UBE2Z: variants seen among roughly 807,000 people sequenced by gnomAD.
UBE2Z encodes ubiquitin conjugating enzyme E2 Z.
In UBE2Z, 10 loss-of-function variants were observed where a neutral mutation model predicts 32.6. The observed-to-expected ratio is 0.31, with a 90% confidence interval of 0.19 to 0.52. UBE2Z has a LOEUF of 0.52. UBE2Z is among the 20% of genes least tolerant of loss of function. UBE2Z has a pLI of 0.97. For synonymous variants in UBE2Z, 183 were observed against 190.8 expected (o/e 0.96, Z 0.34); for missense variants, 343 against 480.9 (o/e 0.71, Z 2.68).
At chr17:48,914,385 TC>T (rs2040704186) in intron 3 of UBE2Z, among the ~76,000 whole-genome samples, 1 of 152,218 alleles carries the variant, frequency 6.6e-6, no homozygotes, top group African/African-American at 2.4e-5. Flanking sequence ...GATTCATTTT[TC>T]TAGGACTTGC....
chr17:48,915,083 T>C (rs995461034), intron 3 of UBE2Z, among the ~76,000 whole-genome samples: 4 of 152,080 alleles, frequency 2.6e-5, no homozygotes, highest in African/African-American at 4.8e-5. Context: ...TTATCAGCCA[T>C]GTTTTTTTTT....
intron 3 of UBE2Z, among the ~76,000 whole-genome samples, chr17:48,913,338 A>G (rs551790106): frequency 9.2e-5 from 14 of 152,184 alleles, no homozygotes; most frequent in African/African-American, 3.4e-4. Flanking sequence ...GGGGCCAAAA[A>G]TCTGGTTTTT....
chr17:48,918,050 C>T (rs1181271511), intron 4 of UBE2Z, among the ~76,000 whole-genome samples: 3 of 152,160 alleles, frequency 2.0e-5, no homozygotes, highest in Admixed American at 1.3e-4. Context: ...GATTCCTCTG[C>T]CTCAGCCTCC....
chr17:48,909,656 G>A (rs917694411), intron 1 of UBE2Z, among the ~76,000 whole-genome samples: 2 of 150,834 alleles, frequency 1.3e-5, no homozygotes, highest in African/African-American at 4.9e-5. Context: ...TTGGGTGACT[G>A]ATCTTAGATC....
intron 6 of UBE2Z, among the ~76,000 whole-genome samples, chr17:48,923,470 A>G (rs2040777435): frequency 1.3e-5 from 2 of 151,984 alleles, no homozygotes; most frequent in Admixed American, 6.6e-5. Flanking sequence ...GCCTCTACTA[A>G]AAACACAAAA....
Position 48,916,133 on chromosome 17 carries a change from T to C in UBE2Z, c.636T>C (p.Ser212=). The part of the protein sequence containing the change: ...PAQSISSVLI[S]IQSLMTENPY... Reference sequence around the variant, plus strand: ...AGAGCATCTCCTCAGTGCTCATCTCTATCCAGTCCCTGATGACTGAGAACC... The same window carrying C: ...AGAGCATCTCCTCAGTGCTCATCTCCATCCAGTCCCTGATGACTGAGAACC... Residue 212 remains serine (S), a synonymous_variant, in exon 4 of 7, where the codon TCT becomes TCC. Transcript: ENST00000360943. The C allele has an allele frequency of 3.8e-6, 6 of 1,588,164 alleles. No individual in the cohort carries two copies. The highest frequency in any genetic ancestry group is 5.1e-6 in the Non-Finnish European group (6 of 1,169,252).
At chr17:48,918,100 C>T (rs1338012892) in intron 4 of UBE2Z, among the ~76,000 whole-genome samples, 2 of 152,096 alleles carry the variant, frequency 1.3e-5, no homozygotes, top group African/African-American at 4.8e-5. Flanking sequence ...CCACACCTGG[C>T]TAATTTTTTG....
In UBE2Z at chr17:48,921,213, C is replaced by T; in HGVS notation, c.744C>T (p.Thr248=). 6.2e-7 allele frequency: 1 copy of T among 1,612,996 alleles called. No homozygotes were observed. Among genetic ancestry groups the T allele is most frequent in the Non-Finnish European group, 8.5e-7 (1 of 1,179,508 alleles). The stretch of plus-strand genomic sequence containing the variant: ...ATAATGAATGTATCCGGCACGAGAC[C>T]ATCAGAGTTGCAGTCTGTGACATGA... ...KNYNECIRHE[T]IRVAVCDMME... is the part of the protein sequence containing the mutation. Residue 248 remains threonine, a synonymous_variant, in exon 5 of 7, where the codon ACC becomes ACT. Coordinates refer to ENST00000360943, the MANE Select transcript of UBE2Z (RefSeq NM_023079.5).
intron 5 of UBE2Z, 21 bp downstream of exon 5, chr17:48,921,293 C>G (rs1245552007): frequency 6.3e-7 from 1 of 1,584,246 alleles, no homozygotes; most frequent in Non-Finnish European, 8.6e-7. Flanking sequence ...AGCGGGCTTG[C>G]TTGGTATTCC....
intron 2 of UBE2Z, chr17:48,911,123 T>G: frequency 2.0e-6 from 1 of 506,232 alleles, no homozygotes; most frequent in East Asian, 3.2e-5. Flanking sequence ...TCATGTCTGT[T>G]GTCGCAGCTT....
chr17:48,908,465 G>A lies in UBE2Z; in HGVS notation c.-39G>A. ...GCGGGAGCAGCGGCCGCTCTGGTCG[G>A]CGGACGTGCTGCCGAGTAGTCCCGG... On this transcript the variant is annotated 5_prime_UTR_variant, in exon 1 of 7. Transcript: ENST00000360943. 8.1e-7 allele frequency: 1 copy of A among 1,228,448 alleles called. No homozygotes were observed. Among genetic ancestry groups the A allele is most frequent in the Non-Finnish European group, 1.0e-6 (1 of 985,368 alleles). 76.1% of individuals were successfully genotyped at this position (1,228,448 alleles called of 1,614,324 possible).
intron 6 of UBE2Z, among the ~76,000 whole-genome samples, chr17:48,925,048 C>G (rs550498286): frequency 6.7e-6 from 1 of 149,776 alleles, no homozygotes; most frequent in Non-Finnish European, 1.5e-5. Context: ...TTTGGTAGGC[C>G]GAGGCAGACA....
chr17:48,915,988 T>A (rs1188031594), intron 3 of UBE2Z, 88 bp from the exon 4 acceptor site: 6 of 723,764 alleles, frequency 8.3e-6, no homozygotes, highest in African/African-American at 2.0e-5. Flanking sequence ...TTATGGTGAG[T>A]CACTTATGGT....
At position 48,928,940 on chromosome 17, in the gene UBE2Z, T is replaced by G. The variant is rs1047229793; in HGVS notation, c.*1806T>G. 2 of 152,702 alleles carry G rather than the reference T, an allele frequency of 1.3e-5. No homozygotes were observed. Among genetic ancestry groups the G allele is most frequent in the African/African-American group, 4.8e-5 (2 of 41,466 alleles). The allele number at this position is 152,702 out of a possible 1,614,324, so 9.5% of individuals were successfully genotyped here. ...TGACTTTTATGCCCTAATCTTGAGT[T>G]GAGGAAATATATGCACAGGAGTCAA... On this transcript the variant is annotated 3_prime_UTR_variant, in exon 7 of 7. Transcript: ENST00000360943.
chr17:48,922,099 G>T (rs1051029361), intron 5 of UBE2Z, among the ~76,000 whole-genome samples: 2 of 152,092 alleles, frequency 1.3e-5, no homozygotes, highest in African/African-American at 4.8e-5. Flanking sequence ...TCAACCACGG[G>T]CAGTTAGGTG....
chr17:48,922,435 T>G (rs2040766655), intron 5 of UBE2Z, among the ~76,000 whole-genome samples: 1 of 151,930 alleles, frequency 6.6e-6, no homozygotes, highest in Non-Finnish European at 1.5e-5. Flanking sequence ...AGAAAACAGA[T>G]CTGGACTTGG....
chr17:48,927,337 G>A lies in UBE2Z; in HGVS notation c.*203G>A, dbSNP rs551393992. 1 of 575,222 alleles carries A rather than the reference G, an allele frequency of 1.7e-6. No homozygotes were observed. Among genetic ancestry groups the A allele is most frequent in the Admixed American group, 3.0e-5 (1 of 33,122 alleles). The allele number at this position is 575,222 out of a possible 1,614,324, so 35.6% of individuals were successfully genotyped here. ...GACCTCCTTGGCACTGGAGCATCTG[G>A]GGCTTCGTTCATCCATTCATCCCGT... On this transcript the variant is annotated 3_prime_UTR_variant, in exon 7 of 7. Coordinates refer to ENST00000360943, the MANE Select transcript of UBE2Z (RefSeq NM_023079.5).
chr17:48,908,905 C>A, intron 1 of UBE2Z, 85 bp downstream of exon 1: 1 of 1,031,834 alleles, frequency 9.7e-7, no homozygotes, highest in East Asian at 5.3e-5. Flanking sequence ...ACAACTCACC[C>A]CCCACCCACT....
chr17:48,921,055 G>T (rs2040754718), intron 4 of UBE2Z, 105 bp from the exon 5 acceptor site: 6 of 869,756 alleles, frequency 6.9e-6, no homozygotes, highest in Non-Finnish European at 1.1e-5. Flanking sequence ...TATCTTTTTA[G>T]TTTGTGTGAC....
Sources: allele counts gnomAD v4.1 joint callset (sites outside exome capture counted in the v4.1 genomes callset), GRCh38; gene constraint gnomAD v4.1.1; transcripts MANE v1.5; gene names NCBI Gene and HGNC (gene_info 2026-07-23, HGNC 2026-07-21).